AP1G1: variants seen among roughly 807,000 people sequenced by gnomAD.
AP1G1 encodes the protein AP-1 complex subunit gamma-1.
AP1G1 carries 7 observed loss-of-function variants against 108.3 expected under a neutral mutation model. The ratio of observed to expected loss-of-function variants is 0.06; its 90% CI spans 0.04 to 0.12. The LOEUF is 0.12. Ranked by LOEUF, AP1G1 falls within the 10% of genes least tolerant of loss-of-function variation. The pLI is 1.00. For missense variants in AP1G1, 756 were observed against 1,010.7 expected (o/e 0.75, Z 3.42); for synonymous variants, 379 against 353.5 (o/e 1.07, Z -0.81).
intron 15 of AP1G1, among the ~76,000 whole-genome samples, chr16:71,749,670 T>C (rs1290688646): frequency 6.6e-6 from 1 of 152,124 alleles, no homozygotes; most frequent in African/African-American, 2.4e-5. Context: ...TTTGTGTCTT[T>C]TGTAGAGACA....
chr16:71,753,962 A>G, intron 12 of AP1G1, 75 bp from the exon 13 acceptor site: 1 of 1,391,160 alleles, frequency 7.2e-7, no homozygotes, highest in Non-Finnish European at 1.0e-6. Context: ...AATCCTGCCC[A>G]AGCAGGGTGA....
chr16:71,798,067 T>C (rs1277894038), intron 1 of AP1G1, among the ~76,000 whole-genome samples: 1 of 152,154 alleles, frequency 6.6e-6, no homozygotes, highest in East Asian at 1.9e-4. Flanking sequence ...CGAAAAAAAC[T>C]ACGAAATCTA....
rs150660520 is a variant in AP1G1 at position 71,746,076 on chromosome 16, C to G, written c.1731-462G>C. ...CCAGGCTGGAGTGCAGTGGCATGAT[C>G]TTGGCTCACTGAAACATCCGCCTCC... On this transcript the variant is annotated intron_variant, in intron 17 of 22. Coordinates refer to ENST00000299980, the MANE Select transcript of AP1G1 (RefSeq NM_001128.6). Among the ~76,000 whole-genome samples, 151 of 152,080 alleles carry G rather than the reference C, an allele frequency of 9.9e-4. 4 individuals carry two copies. The East Asian group carries it at 0.023, about 23-fold the overall frequency.
intron 6 of AP1G1, among the ~76,000 whole-genome samples, chr16:71,769,135 T>C (rs1025248147): frequency 2.0e-5 from 3 of 150,710 alleles, no homozygotes; most frequent in Admixed American, 6.6e-5. Context: ...ATACAAAAAT[T>C]AGATGGGCAT....
intron 7 of AP1G1, 113 bp downstream of exon 7, chr16:71,765,376 T>C: frequency 1.5e-6 from 1 of 650,496 alleles, no homozygotes; most frequent in Middle Eastern, 4.4e-4. Context: ...TTAATATAAT[T>C]AATCAATTAA....
chr16:71,744,098 C>T (rs1011036175), intron 19 of AP1G1, among the ~76,000 whole-genome samples: 1 of 151,124 alleles, frequency 6.6e-6, no homozygotes, highest in African/African-American at 2.4e-5. Flanking sequence ...CGAAAATTAG[C>T]CAGGGCATGG....
At position 71,748,483 on chromosome 16, in the gene AP1G1, G is replaced by A. The variant is rs372741847; in HGVS notation, c.1498-105C>T. ...AAGCAGCCAGAAAGACAATCCTACC[G>A]TTACAAAAGCCTCTAACTCAACCTG... On this transcript the variant is annotated intron_variant, in intron 15 of 22. Transcript: ENST00000299980. 491 of 1,295,864 alleles carry A rather than the reference G, an allele frequency of 3.8e-4. 1 individual carries two copies. The highest frequency in any genetic ancestry group is 5.1e-4 in the Admixed American group (20 of 39,006). The allele number at this position is 1,295,864 out of a possible 1,614,324, so 80.3% of individuals were successfully genotyped here.
chr16:71,782,466 AATT>A (rs112080769), intron 2 of AP1G1, among the ~76,000 whole-genome samples: 10 of 148,934 alleles, frequency 6.7e-5, no homozygotes, highest in East Asian at 2.0e-4. Flanking sequence ...CCCAGCCTAC[AATT>A]ATTATTATTA....
rs1042391577 is a variant in AP1G1 at position 71,731,438 on chromosome 16, A to G, written c.*1620T>C. 6.6e-6 allele frequency: 1 copy of G among 152,634 alleles called. No individual in the cohort carries two copies. The highest frequency in any genetic ancestry group is 1.5e-5 in the Non-Finnish European group (1 of 68,034). 9.5% of individuals were successfully genotyped at this position (152,634 alleles called of 1,614,324 possible). The stretch of plus-strand genomic sequence containing the variant: ...TGAAATGAAGGGGAAAAAAAGGGAT[A>G]TTTGTTTCCAGGTTTAAGATTGAAG... On this transcript the variant is annotated 3_prime_UTR_variant, in exon 23 of 23. Coordinates refer to ENST00000299980, the MANE Select transcript of AP1G1 (RefSeq NM_001128.6).
chr16:71,790,479 A>G (rs187019695), intron 1 of AP1G1, among the ~76,000 whole-genome samples: 8 of 149,212 alleles, frequency 5.4e-5, no homozygotes, highest in Non-Finnish European at 1.2e-4. Flanking sequence ...GTGAGCCAAG[A>G]TTGCACCATT....
Position 71,739,253 on chromosome 16 carries a change from G to A in AP1G1, c.2088C>T (p.Leu696=), listed in dbSNP as rs2045587792. The change falls in exon 20 of 23, where the codon CTC becomes CTT. Residue 696 remains leucine, a synonymous_variant. Transcript: ENST00000299980. ...FLLDGLSSQP[L]FNDIAAGIPS... ...TCGTACCTGCAGCAATATCATTGAAGAGAGGCTGTGATGAAAGCCCATCCA... is the reference window on the plus strand; with the variant it reads ...TCGTACCTGCAGCAATATCATTGAAAAGAGGCTGTGATGAAAGCCCATCCA... The A allele has an allele frequency of 3.1e-6, 5 of 1,613,754 alleles. No individual in the cohort carries two copies. The East Asian group carries it at 6.7e-5, about 22-fold the overall frequency.
At chr16:71,787,272 T>G (rs1395307620) in intron 2 of AP1G1, among the ~76,000 whole-genome samples, 1 of 139,912 alleles carries the variant, frequency 7.1e-6, no homozygotes, top group African/African-American at 2.7e-5. Flanking sequence ...TGAGCCGAGA[T>G]CACGCCACTG....
chr16:71,802,990 G>A (rs958107370), intron 1 of AP1G1, among the ~76,000 whole-genome samples: 1 of 152,104 alleles, frequency 6.6e-6, no homozygotes, highest in Non-Finnish European at 1.5e-5. Context: ...TGAAGCAGGT[G>A]AATCACCTGA....
chr16:71,772,499 T>C (rs939183582), intron 4 of AP1G1, among the ~76,000 whole-genome samples: 6 of 152,166 alleles, frequency 3.9e-5, no homozygotes, highest in Admixed American at 2.6e-4. Context: ...CAAGAGTAGC[T>C]CACATATTCT....
At chr16:71,800,462 ATG>A (rs2032753068) in intron 1 of AP1G1, among the ~76,000 whole-genome samples, 1 of 151,348 alleles carries the variant, frequency 6.6e-6, no homozygotes, top group Non-Finnish European at 1.5e-5. Flanking sequence ...TGGGAGGATC[ATG>A]TGAGGTCGGG....
chr16:71,776,816 C>CA (rs922661261), intron 2 of AP1G1, among the ~76,000 whole-genome samples: 4 of 151,430 alleles, frequency 2.6e-5, no homozygotes, highest in Non-Finnish European at 4.4e-5. Context: ...TTAAACTATA[C>CA]AAAAAAAGGC....
In AP1G1 at chr16:71,744,444, T is replaced by C. The variant is rs532644515; in HGVS notation, c.1999+700A>G. 2.7e-4 allele frequency among the ~76,000 whole-genome samples: 41 copies of C among 152,094 alleles called. No homozygotes were observed. The South Asian group carries it at 8.1e-3, about 30-fold the overall frequency. On this transcript the variant is annotated intron_variant, in intron 19 of 22. Coordinates refer to ENST00000299980, the MANE Select transcript of AP1G1 (RefSeq NM_001128.6). ...GAGGTAAGTAGCAGGTTAACATCTC[T>C]CCACAAATGGCCACAGCTACTGAAA...
intron 13 of AP1G1, 95 bp from the exon 14 acceptor site, chr16:71,750,427 T>G (rs1437647812): frequency 8.7e-6 from 13 of 1,490,666 alleles, no homozygotes; most frequent in Non-Finnish European, 1.8e-6. Context: ...TTTCCTTTCT[T>G]TTTTTGAGAC....
At position 71,750,470 on chromosome 16, in the gene AP1G1, G is replaced by A. The variant is rs111671308; in HGVS notation, c.1285-138C>T. On this transcript the variant is annotated intron_variant, in intron 13 of 22. Coordinates refer to ENST00000299980, the MANE Select transcript of AP1G1 (RefSeq NM_001128.6). ...CGCTCTGTCACCCAGGCTGGAGTGC[G>A]ATAGCGCGATCTTGGCTCACTGCAA... 1.2e-3 allele frequency: 1,262 copies of A among 1,017,374 alleles called. 9 individuals are homozygous for A. Among genetic ancestry groups the A allele is most frequent in the African/African-American group, 0.012 (740 of 61,752 alleles). 63.0% of individuals were successfully genotyped at this position (1,017,374 alleles called of 1,614,324 possible).
Sources: gnomAD v4.1 joint callset for allele counts (sites outside exome capture counted in the v4.1 genomes callset) on GRCh38, gnomAD v4.1.1 for gene constraint, MANE v1.5 for transcripts, NCBI Gene and HGNC (gene_info 2026-07-23, HGNC 2026-07-21) for gene names.